The following KLRF2 variants were observed in gnomAD, a reference collection of about 807,000 sequenced individuals.
KLRF2 encodes the protein killer cell lectin like receptor F2.
In KLRF2, 28 loss-of-function variants were observed where a neutral mutation model predicts 25.3. The observed-to-expected ratio is 1.11, with a 90% CI of 0.82 to 1.52. The LOEUF is 1.52. Among genes scored for constraint, KLRF2 ranks in the 40% most tolerant of loss-of-function variants. The probability of loss-of-function intolerance (pLI) is 0.00; values close to 1 mark genes in which losing one functional copy is unlikely to be tolerated. For synonymous variants in KLRF2, 73 were observed against 85.0 expected (o/e 0.86, Z 0.78); for missense variants, 265 against 245.8 (o/e 1.08, Z -0.52).
At position 9,885,043 on chromosome 12, in the gene KLRF2, A is replaced by T; in HGVS notation, c.169+11A>T. The T allele has an allele frequency of 9.3e-7, 1 of 1,072,782 alleles. No homozygotes were observed. Among genetic ancestry groups the T allele is most frequent in the Non-Finnish European group, 1.2e-6 (1 of 825,578 alleles). The allele number at this position is 1,072,782 out of a possible 1,614,324, so 66.5% of individuals were successfully genotyped here. Reference sequence around the variant, plus strand: ...ACCTGAAGTTCTGGCGTGAGTAGTAAATTTTTATTTATTTGAACATTTTCA... The same window carrying T: ...ACCTGAAGTTCTGGCGTGAGTAGTATATTTTTATTTATTTGAACATTTTCA... On this transcript the variant is annotated intron_variant, in intron 2 of 5. Coordinates refer to ENST00000535540, the MANE Select transcript of KLRF2 (RefSeq NM_001190765.1).
chr12:9,883,218 T>C (rs1296929329), intron 1 of KLRF2, among the ~76,000 whole-genome samples: 1 of 152,224 alleles, frequency 6.6e-6, no homozygotes, highest in Non-Finnish European at 1.5e-5. Context: ...TTCCTTAAGA[T>C]TGATATAATT....
rs1255488120 is a variant in KLRF2 at position 9,895,718 on chromosome 12, G to A, written c.509G>A (p.Arg170Lys). The change falls in exon 6 of 6, where the codon AGG becomes AAG. Residue 170 changes from arginine (R) to lysine (K), a missense_variant. Transcript: ENST00000535540. ...LFSVIGPTDD[R>K]SCAVITGNWV... ...TCAGTGATTGGACCAACTGATGACA[G>A]GAGCTGTGCCGTTATCACAGGAAAC... 9.1e-6 allele frequency: 14 copies of A among 1,534,714 alleles called. No individual in the cohort carries two copies. Among genetic ancestry groups the A allele is most frequent in the Non-Finnish European group, 1.1e-5 (13 of 1,146,428 alleles).
chr12:9,881,760 C>A, intron 1 of KLRF2, 95 bp downstream of exon 1: 3 of 871,730 alleles, frequency 3.4e-6, no homozygotes, highest in South Asian at 1.6e-5. Flanking sequence ...TAACATTGAT[C>A]ATAATAAGGA....
chr12:9,887,330 GA>G (rs770770399), intron 2 of KLRF2, among the ~76,000 whole-genome samples: 7 of 152,132 alleles, frequency 4.6e-5, no homozygotes, highest in Non-Finnish European at 7.4e-5. Flanking sequence ...AGAACACCAT[GA>G]GTAAAAATAT....
At chr12:9,889,531 A>G (rs112604608) in intron 3 of KLRF2, among the ~76,000 whole-genome samples, 93 of 152,064 alleles carry the variant, frequency 6.1e-4, no homozygotes, top group African/African-American at 2.2e-3. Context: ...TGAAGATATA[A>G]TATTAATTTT....
At chr12:9,887,069 C>G (rs1862607197) in intron 2 of KLRF2, among the ~76,000 whole-genome samples, 2 of 151,826 alleles carry the variant, frequency 1.3e-5, no homozygotes, top group Admixed American at 1.3e-4. Flanking sequence ...CAAAAAATGC[C>G]TATTTATCCA....
rs1022980273 is a variant in KLRF2 at position 9,893,150 on chromosome 12, T to G, written c.348T>G (p.Ile116Met). The change falls in exon 4 of 6, where the codon ATT becomes ATG. Residue 116 changes from isoleucine (I) to methionine (M), a missense_variant. Coordinates refer to ENST00000535540, the MANE Select transcript of KLRF2 (RefSeq NM_001190765.1). Reference sequence around the variant, plus strand: ...AGCTACAGGCACATTTACTGGTGATTCAAAATTTGGATGAGCTGGTGAGAA... The same window carrying G: ...AGCTACAGGCACATTTACTGGTGATGCAAAATTTGGATGAGCTGGTGAGAA... ...CTQLQAHLLV[I>M]QNLDELEFIQ... The G allele has an allele frequency of 5.9e-6, 9 of 1,532,558 alleles. No individual in the cohort carries two copies. The African/African-American group carries it at 1.2e-4, about 21-fold the overall frequency. 94.9% of individuals were successfully genotyped at this position (1,532,558 alleles called of 1,614,324 possible).
Position 9,881,622 on chromosome 12 carries a change from G to A in KLRF2, c.27G>A (p.Thr9=), listed in dbSNP as rs772636541. Residue 9 remains threonine (T), a synonymous_variant, in exon 1 of 6, where the codon ACG becomes ACA. Coordinates refer to ENST00000535540, the MANE Select transcript of KLRF2 (RefSeq NM_001190765.1). The part of the protein sequence containing the change: MENEDGYM[T]LSFKNRCKSK... ...TGGAGAATGAAGATGGGTATATGAC[G>A]CTGAGTTTCAAGAATCGTTGTAAAT... The A allele has an allele frequency of 4.6e-5, 71 of 1,535,076 alleles. No homozygotes were observed. Among genetic ancestry groups the A allele is most frequent in the Non-Finnish European group, 5.4e-5 (62 of 1,146,196 alleles).
intron 2 of KLRF2, among the ~76,000 whole-genome samples, chr12:9,887,694 C>A (rs1321913557): frequency 6.7e-6 from 1 of 149,808 alleles, no homozygotes; most frequent in Non-Finnish European, 1.5e-5. Flanking sequence ...AACTAGGAAG[C>A]TGAAGGAACT....
At chr12:9,883,464 T>C (rs1307615598) in intron 1 of KLRF2, among the ~76,000 whole-genome samples, 1 of 152,232 alleles carries the variant, frequency 6.6e-6, no homozygotes, top group Non-Finnish European at 1.5e-5. Context: ...AAATCATGGC[T>C]TACATGAAAA....
intron 3 of KLRF2, among the ~76,000 whole-genome samples, chr12:9,889,670 G>GTA (rs1315126234): frequency 1.3e-5 from 2 of 149,528 alleles, no homozygotes; most frequent in Non-Finnish European, 3.0e-5. Flanking sequence ...GTATATATAT[G>GTA]TATATATATA....
intron 2 of KLRF2, among the ~76,000 whole-genome samples, chr12:9,888,286 C>A (rs1406231586): frequency 1.3e-5 from 2 of 151,422 alleles, no homozygotes; most frequent in African/African-American, 2.4e-5. Flanking sequence ...GTCAGGAGAT[C>A]GAGACCATCC....
chr12:9,887,705 T>G (rs1158919554), intron 2 of KLRF2, among the ~76,000 whole-genome samples: 1 of 151,640 alleles, frequency 6.6e-6, no homozygotes, highest in Admixed American at 6.6e-5. Context: ...TGAAGGAACT[T>G]GATGATATGG....
chr12:9,886,205 A>G (rs371675569), intron 2 of KLRF2, among the ~76,000 whole-genome samples: 1 of 152,260 alleles, frequency 6.6e-6, no homozygotes, highest in East Asian at 1.9e-4. Flanking sequence ...ATTAGTAACA[A>G]TTACAATATG....
At chr12:9,882,797 A>G (rs1868109177) in intron 1 of KLRF2, among the ~76,000 whole-genome samples, 2 of 134,034 alleles carry the variant, frequency 1.5e-5, no homozygotes, top group Admixed American at 1.5e-4. Context: ...AACAAAAAAA[A>G]TTATTCAGAC....
intron 3 of KLRF2, 47 bp from the exon 4 acceptor site, chr12:9,892,973 C>T (rs1862698389): frequency 7.1e-7 from 1 of 1,410,298 alleles, no homozygotes. Flanking sequence ...TCTATCTTCC[C>T]TGTTGGCTGT....
intron 2 of KLRF2, among the ~76,000 whole-genome samples, chr12:9,886,969 C>T (rs964010499): frequency 1.3e-5 from 2 of 151,844 alleles, no homozygotes; most frequent in Admixed American, 6.6e-5. Flanking sequence ...TCTGAAAAGT[C>T]ATGGTAGCTA....
At chr12:9,885,123 T>A in intron 2 of KLRF2, 91 bp downstream of exon 2, 1 of 409,264 alleles carries the variant, frequency 2.4e-6, no homozygotes, top group Non-Finnish European at 4.1e-6. Context: ...CTCTACACTG[T>A]AGTCCAAAAC....
intron 5 of KLRF2, among the ~76,000 whole-genome samples, chr12:9,893,787 C>A (rs947207679): frequency 2.6e-5 from 4 of 151,796 alleles, no homozygotes; most frequent in Non-Finnish European, 5.9e-5. Context: ...ATTTTGTCAC[C>A]TGGCAGTTTA....
Sources: allele counts gnomAD v4.1 joint callset (sites outside exome capture counted in the v4.1 genomes callset), GRCh38; gene constraint gnomAD v4.1.1; transcripts MANE v1.5; gene names NCBI Gene and HGNC (gene_info 2026-07-23, HGNC 2026-07-21).